CUX2: variants seen among roughly 807,000 people sequenced by gnomAD.
The protein encoded by CUX2 is cut like homeobox 2, also known as homeobox protein cut-like 2.
CUX2 carries 40 observed loss-of-function variants against 144.8 expected under a neutral mutation model. That is an observed-to-expected ratio of 0.28 (90% CI 0.21 to 0.36). CUX2 has a LOEUF of 0.36. Among genes scored for constraint, CUX2 ranks in the 10% least tolerant of loss-of-function variants. CUX2 has a pLI of 1.00. For missense variants in CUX2, 1,615 were observed against 1,994.0 expected (o/e 0.81, Z 3.62); for synonymous variants, 827 against 875.6 (o/e 0.94, Z 0.98).
At chr12:111,147,739 G>A (rs992342416) in intron 1 of CUX2, among the ~76,000 whole-genome samples, 6 of 152,212 alleles carry the variant, frequency 3.9e-5, no homozygotes, top group African/African-American at 1.2e-4. Context: ...GGGAGAGGGC[G>A]AGGGAGGTGG....
Position 111,251,538 on chromosome 12 carries a change from G to A in CUX2, c.223-12223G>A, listed in dbSNP as rs180865125. On this transcript the variant is annotated intron_variant, in intron 3 of 21. Coordinates refer to ENST00000261726, the MANE Select transcript of CUX2 (RefSeq NM_015267.4). Reference sequence around the variant, plus strand: ...TTCATTTTTGCACTGCTTCCAAGCCGTGAAAGCCAGCCTGGCACGGAACAC... The same window carrying A: ...TTCATTTTTGCACTGCTTCCAAGCCATGAAAGCCAGCCTGGCACGGAACAC... Among the ~76,000 whole-genome samples the A allele has an allele frequency of 9.7e-4, 148 of 152,280 alleles. 1 individual carries two copies. The highest frequency in any genetic ancestry group is 3.5e-3 in the African/African-American group (144 of 41,552).
intron 1 of CUX2, among the ~76,000 whole-genome samples, chr12:111,090,242 G>A (rs1446970863): frequency 6.6e-6 from 1 of 152,178 alleles, no homozygotes; most frequent in Admixed American, 6.5e-5. Flanking sequence ...TTCTGTCTTG[G>A]GTTCTGGGCT....
chr12:111,157,492 AC>A (rs1484886559), intron 1 of CUX2, among the ~76,000 whole-genome samples: 1 of 151,970 alleles, frequency 6.6e-6, no homozygotes, highest in Non-Finnish European at 1.5e-5. Context: ...AAAAAAAATC[AC>A]TCTAGGTTGT....
chr12:111,343,462 T>G (rs1055823976), intron 21 of CUX2, among the ~76,000 whole-genome samples: 2 of 152,154 alleles, frequency 1.3e-5, no homozygotes, highest in African/African-American at 4.8e-5. Flanking sequence ...GAAAAGTCTC[T>G]GGTGCCCACA....
chr12:111,281,312 C>G (rs575164382), intron 4 of CUX2, among the ~76,000 whole-genome samples: 8 of 152,266 alleles, frequency 5.3e-5, no homozygotes, highest in Admixed American at 1.3e-4. Context: ...CAGCCTTTTG[C>G]ACAAGCGGTG....
chr12:111,247,570 T>C (rs1206402696), intron 3 of CUX2, among the ~76,000 whole-genome samples: 2 of 152,138 alleles, frequency 1.3e-5, no homozygotes, highest in East Asian at 1.9e-4. Context: ...CGAGAGTTCA[T>C]GGGCCAGGTC....
chr12:111,081,619 C>T (rs996345523), intron 1 of CUX2, among the ~76,000 whole-genome samples: 14 of 151,968 alleles, frequency 9.2e-5, no homozygotes, highest in African/African-American at 3.1e-4. Flanking sequence ...TCTGACTGGC[C>T]ATAAAGCATG....
intron 4 of CUX2, among the ~76,000 whole-genome samples, chr12:111,282,248 G>A (rs1885149205): frequency 6.6e-6 from 1 of 151,634 alleles, no homozygotes; most frequent in Non-Finnish European, 1.5e-5. Context: ...TGTGAACCTG[G>A]GAGGCAGAGC....
rs150141455 is a variant in CUX2, at chr12:111,335,928, A to G, written c.3196+1218A>G. ...CTCTAAAAAAGTTAAATTAAAAAAAAAAAAAGACAAAAGTGCCCACGGTGA... is the reference window on the plus strand; with the variant it reads ...CTCTAAAAAAGTTAAATTAAAAAAAGAAAAAGACAAAAGTGCCCACGGTGA... On this transcript the variant is annotated intron_variant, in intron 19 of 21. Coordinates refer to ENST00000261726, the MANE Select transcript of CUX2 (RefSeq NM_015267.4). Among the ~76,000 whole-genome samples the G allele has an allele frequency of 6.8e-3, 1,038 of 152,154 alleles. 10 individuals are homozygous for G. Among genetic ancestry groups the G allele is most frequent in the Middle Eastern group, 0.01 (3 of 294 alleles).
Position 111,347,656 on chromosome 12 carries a change from G to C in CUX2, c.3792G>C (p.Glu1264Asp), listed in dbSNP as rs1302781251. 5 of 1,612,154 alleles carry C rather than the reference G, an allele frequency of 3.1e-6. No individual in the cohort carries two copies. The Admixed American group carries it at 6.7e-5, about 22-fold the overall frequency. Residue 1264 changes from glutamate (E) to aspartate (D), a missense_variant, in exon 22 of 22, where the codon GAG (glutamate) becomes GAC (aspartate). Transcript: ENST00000261726. ...PDPTPQSPDS[E>D]TEDQKPTVKE... ...CCACCCCGCAGAGCCCTGACTCTGAGACTGAGGACCAGAAGCCAACCGTGA... is the reference window on the plus strand; with the variant it reads ...CCACCCCGCAGAGCCCTGACTCTGACACTGAGGACCAGAAGCCAACCGTGA...
intron 1 of CUX2, among the ~76,000 whole-genome samples, chr12:111,103,670 G>C (rs977523905): frequency 6.6e-6 from 1 of 152,188 alleles, no homozygotes; most frequent in African/African-American, 2.4e-5. Flanking sequence ...TACTATAACA[G>C]GCAGGACTCT....
In CUX2 at chr12:111,345,659, G is replaced by A. The variant is rs547777833; in HGVS notation, c.3660-1865G>A. Among the ~76,000 whole-genome samples, 11 of 147,330 alleles carry A rather than the reference G, an allele frequency of 7.5e-5. No individual in the cohort carries two copies. In the East Asian group the frequency reaches 8.3e-4, roughly 11 times the overall value. ...CGGGAGGCTGAGGCAGGAGAATGGC[G>A]TAAACCCGGGAGCTTGCGGTGAGCC... On this transcript the variant is annotated intron_variant, in intron 21 of 21. Coordinates refer to ENST00000261726, the MANE Select transcript of CUX2 (RefSeq NM_015267.4).
At chr12:111,132,645 C>T (rs1178234725) in intron 1 of CUX2, among the ~76,000 whole-genome samples, 1 of 146,880 alleles carries the variant, frequency 6.8e-6, no homozygotes, top group African/African-American at 2.6e-5. Context: ...CAACTAACCG[C>T]AACCTCTGCC....
chr12:111,310,514 C>T lies in CUX2; in HGVS notation c.1732C>T (p.His578Tyr). 6.2e-7 allele frequency: 1 copy of T among 1,614,060 alleles called. No homozygotes were observed. The highest frequency in any genetic ancestry group is 8.5e-7 in the Non-Finnish European group (1 of 1,180,010). Residue 578 changes from histidine (H) to tyrosine (Y), a missense_variant, in exon 15 of 22, where the codon CAT becomes TAT. His to Tyr is a moderately conservative substitution (Grantham distance 83). Transcript: ENST00000261726. This position sits in a 1 kb window ranked among gnomAD's most constrained non-coding sequence, Gnocchi z 7.9. ...CAACATCGGGCAGCGGGTGTTTGGG[C>T]ATTACGTGCTGGGGCTGTCGCAGGG... ...KHNIGQRVFG[H>Y]YVLGLSQGSV...
At chr12:111,285,383 C>T (rs979158488) in intron 4 of CUX2, among the ~76,000 whole-genome samples, 2 of 152,190 alleles carry the variant, frequency 1.3e-5, no homozygotes, top group East Asian at 1.9e-4. Flanking sequence ...CAGGGGAAGG[C>T]GGGGCATCTT....
chr12:111,305,924 TAGTG>T (rs1200586178), intron 10 of CUX2, among the ~76,000 whole-genome samples: 1 of 152,096 alleles, frequency 6.6e-6, no homozygotes, highest in African/African-American at 2.4e-5. Flanking sequence ...CTGCATGTGT[TAGTG>T]TGTGCTGTGG....
intron 20 of CUX2, among the ~76,000 whole-genome samples, chr12:111,338,987 C>G (rs753709771): frequency 2.6e-5 from 4 of 152,138 alleles, no homozygotes; most frequent in African/African-American, 4.8e-5. Context: ...AATCTCAGCA[C>G]TTTGGGAGGC....
intron 6 of CUX2, among the ~76,000 whole-genome samples, chr12:111,294,201 G>T (rs1414253459): frequency 6.6e-6 from 1 of 152,152 alleles, no homozygotes; most frequent in South Asian, 2.1e-4. Context: ...TCCACGTTCC[G>T]GGTTTAAGCA....
At chr12:111,247,196 C>A (rs1041042276) in intron 3 of CUX2, among the ~76,000 whole-genome samples, 2 of 152,106 alleles carry the variant, frequency 1.3e-5, no homozygotes, top group East Asian at 3.9e-4. Context: ...GAGTCCATAG[C>A]GAGCACCGCA....
Sources: allele counts gnomAD v4.1 joint callset (sites outside exome capture counted in the v4.1 genomes callset), GRCh38; gene constraint gnomAD v4.1.1; non-coding constraint Gnocchi (gnomAD v3.1); transcripts MANE v1.5; gene names NCBI Gene and HGNC (gene_info 2026-07-23, HGNC 2026-07-21).